Variants in PCDHGA6 observed in about 807,000 individuals in gnomAD.
PCDHGA6 encodes protocadherin gamma subfamily A, 6.
In PCDHGA6, 41 loss-of-function variants were observed where a neutral mutation model predicts 60.6. That is an observed-to-expected ratio of 0.68 (90% CI 0.53 to 0.88). The LOEUF (loss-of-function observed/expected upper bound fraction) is 0.88. Ranked by LOEUF, PCDHGA6 falls within the 40% of genes least tolerant of loss-of-function variation. The pLI is 0.00. For synonymous variants in PCDHGA6, 594 were observed against 524.4 expected (o/e 1.13, Z -1.81); for missense variants, 1,312 against 1,203.0 (o/e 1.09, Z -1.34).
intron 1 of PCDHGA6, among the ~76,000 whole-genome samples, chr5:141,387,359 C>A (rs2150333777): frequency 6.6e-6 from 1 of 152,208 alleles, no homozygotes; most frequent in East Asian, 1.9e-4. Flanking sequence ...TAGGCCAAGT[C>A]TGTGTTATGG....
intron 1 of PCDHGA6, chr5:141,410,939 C>T (rs960754863): frequency 5.1e-5 from 10 of 195,446 alleles, no homozygotes; most frequent in South Asian, 1.1e-4. Flanking sequence ...CTGCAACCTC[C>T]GCCTTCTGGG....
chr5:141,384,337 G>A (rs370533196), intron 1 of PCDHGA6: 1 of 1,613,832 alleles, frequency 6.2e-7, no homozygotes, highest in Non-Finnish European at 8.5e-7. Flanking sequence ...ACAGGACCAC[G>A]ACAGTGAGGA....
intron 1 of PCDHGA6, chr5:141,395,200 A>G: frequency 6.2e-7 from 1 of 1,613,768 alleles, no homozygotes; most frequent in Non-Finnish European, 8.5e-7. Flanking sequence ...ACATCCGTAG[A>G]TTTTCATGAA....
Position 141,419,013 on chromosome 5 carries a change from G to C in PCDHGA6, c.2424+42506G>C, listed in dbSNP as rs746229802. The C allele has an allele frequency of 6.9e-5, 111 of 1,613,840 alleles. No individual in the cohort carries two copies. In the East Asian group the frequency reaches 2.4e-3, roughly 35 times the overall value. ...GGGGAAAATGGGGAAGTCAGGTGTA[G>C]CTTAAGTAGAGGTGTTCCATTTAAG... is the stretch of plus-strand genomic sequence containing the variant. On this transcript the variant is annotated intron_variant, in intron 1 of 3. Transcript: ENST00000517434.
Position 141,394,139 on chromosome 5 carries a change from G to A in PCDHGA6, c.2424+17632G>A, listed in dbSNP as rs780148099. 1.7e-5 allele frequency: 27 copies of A among 1,613,788 alleles called. No individual in the cohort carries two copies. The African/African-American group carries it at 3.5e-4, about 21-fold the overall frequency. On this transcript the variant is annotated intron_variant, in intron 1 of 3. Coordinates refer to ENST00000517434, the MANE Select transcript of PCDHGA6 (RefSeq NM_018919.3). ...CTGAAACTCAAATCGCTCTGCACGTGGCAGACATTAACGACAACCCTCCTA... is the reference window on the plus strand; with the variant it reads ...CTGAAACTCAAATCGCTCTGCACGTAGCAGACATTAACGACAACCCTCCTA...
At chr5:141,377,254 T>A (rs1332272982) in intron 1 of PCDHGA6, 1 of 149,056 alleles carries the variant, frequency 6.7e-6, no homozygotes, top group Non-Finnish European at 1.5e-5. Flanking sequence ...TGTAAGGTTC[T>A]TTCTTTTTCT....
chr5:141,376,542 C>A, intron 1 of PCDHGA6, 35 bp downstream of exon 1: 1 of 1,612,918 alleles, frequency 6.2e-7, no homozygotes, highest in Non-Finnish European at 8.5e-7. Flanking sequence ...GAAGAGTAAT[C>A]TGATCTTCCC....
chr5:141,410,024 G>T (rs771946302), intron 1 of PCDHGA6: 4 of 1,613,164 alleles, frequency 2.5e-6, no homozygotes, highest in Non-Finnish European at 3.4e-6. Flanking sequence ...GTCCTACCAC[G>T]TGCTGCAGGC....
chr5:141,410,104 C>T, intron 1 of PCDHGA6: 1 of 1,612,582 alleles, frequency 6.2e-7, no homozygotes, highest in African/African-American at 1.3e-5. Context: ...CCTTAGGCGA[C>T]AGGGACGCAG....
Position 141,511,252 on chromosome 5 carries a change from G to C in PCDHGA6, c.*79G>C. 6.4e-7 allele frequency: 1 copy of C among 1,568,260 alleles called. No homozygotes were observed. The highest frequency in any genetic ancestry group is 8.6e-7 in the Non-Finnish European group (1 of 1,157,002). On this transcript the variant is annotated 3_prime_UTR_variant, in exon 4 of 4. Coordinates refer to ENST00000517434, the MANE Select transcript of PCDHGA6 (RefSeq NM_018919.3). ...TCTCCTTACCTGCACCCAGGCCTCA[G>C]AGTTTCAGGGCTAACCCCCAGAATA... is the stretch of plus-strand genomic sequence containing the variant.
At position 141,485,443 on chromosome 5, in the gene PCDHGA6, C is replaced by A. The variant is rs2099613637; in HGVS notation, c.2425-9364C>A. 5 of 1,614,054 alleles carry A rather than the reference C, an allele frequency of 3.1e-6. No individual in the cohort carries two copies. The East Asian group carries it at 6.7e-5, about 22-fold the overall frequency. ...GAGCCCTGCTCATCAAGAACCCAAT[C>A]GACCGAGAGGCACTGTGTGGGCTCA... On this transcript the variant is annotated intron_variant, in intron 1 of 3. Coordinates refer to ENST00000517434, the MANE Select transcript of PCDHGA6 (RefSeq NM_018919.3). This position sits in a 1 kb window ranked among gnomAD's most constrained non-coding sequence, Gnocchi z 5.7.
intron 1 of PCDHGA6, chr5:141,389,942 G>T: frequency 1.2e-6 from 2 of 1,614,070 alleles, no homozygotes; most frequent in African/African-American, 2.7e-5. Flanking sequence ...AGGCTGAGCT[G>T]CAGTTTTACC....
intron 1 of PCDHGA6, among the ~76,000 whole-genome samples, chr5:141,482,652 G>C (rs1276348234): frequency 6.6e-6 from 1 of 152,074 alleles, no homozygotes; most frequent in African/African-American, 2.4e-5. Flanking sequence ...GGTGATGCTT[G>C]AGCTATGATC....
Position 141,374,136 on chromosome 5 carries a change from C to T in PCDHGA6, c.53C>T (p.Thr18Met), listed in dbSNP as rs769413254. The change falls in exon 1 of 4, where the codon ACG becomes ATG. Residue 18 changes from threonine to methionine, a missense_variant. Coordinates refer to ENST00000517434, the MANE Select transcript of PCDHGA6 (RefSeq NM_018919.3). ...CGCAGCGAGCAGGTCCTGCTCCTCA[C>T]GCTCCTGGGGACGCTGTGGGGGGCC... ...PQRSEQVLLLTLLGTLWGAAA... is the reference protein window; with the variant it reads ...PQRSEQVLLLMLLGTLWGAAA... 19 of 1,605,624 alleles carry T rather than the reference C, an allele frequency of 1.2e-5. No homozygotes were observed. Among genetic ancestry groups the T allele is most frequent in the Non-Finnish European group, 1.4e-5 (16 of 1,174,738 alleles).
Position 141,427,801 on chromosome 5 carries a change from G to T in PCDHGA6, c.2424+51294G>T, listed in dbSNP as rs755067099. On this transcript the variant is annotated intron_variant, in intron 1 of 3. Coordinates refer to ENST00000517434, the MANE Select transcript of PCDHGA6 (RefSeq NM_018919.3). ...GCACTGTCGTCCTACGTGTCCGTGA[G>T]CGCACAGAGCGGGGTGGTGGTCGCG... 6 of 1,510,138 alleles carry T rather than the reference G, an allele frequency of 4.0e-6. No homozygotes were observed. In the African/African-American group the frequency reaches 8.2e-5, roughly 21 times the overall value. 93.5% of individuals were successfully genotyped at this position (1,510,138 alleles called of 1,614,324 possible). A position where few individuals can be genotyped will look rare whatever the true frequency, so the allele number is the denominator to read the frequency against.
At chr5:141,403,838 GA>G (rs751575888) in intron 1 of PCDHGA6, 1 of 1,613,592 alleles carries the variant, frequency 6.2e-7, no homozygotes, top group African/African-American at 1.3e-5. Context: ...CCAGCTTAAT[GA>G]AAATACTGGG....
chr5:141,414,209 A>G (rs2095719803), intron 1 of PCDHGA6: 3 of 1,612,712 alleles, frequency 1.9e-6, no homozygotes, highest in South Asian at 2.2e-5. Flanking sequence ...GAAGATGTAA[A>G]TGACAACAGT....
intron 1 of PCDHGA6, among the ~76,000 whole-genome samples, chr5:141,466,436 G>A (rs181613158): frequency 1.3e-5 from 2 of 152,270 alleles, no homozygotes; most frequent in East Asian, 1.9e-4. Context: ...AAGCTGAACC[G>A]AGATGTCTAT....
intron 1 of PCDHGA6, chr5:141,441,971 G>A: frequency 3.3e-6 from 1 of 298,820 alleles, no homozygotes; most frequent in Non-Finnish European, 6.5e-6. Flanking sequence ...AGGCTCTTCA[G>A]CCTGGAATGC....
Sources: gnomAD v4.1 joint callset for allele counts (sites outside exome capture counted in the v4.1 genomes callset) on GRCh38, gnomAD v4.1.1 for gene constraint, Gnocchi (gnomAD v3.1) non-coding constraint, MANE v1.5 for transcripts, NCBI Gene and HGNC (gene_info 2026-07-23, HGNC 2026-07-21) for gene names.